BCR: variants seen among roughly 807,000 people sequenced by gnomAD.
BCR encodes BCR activator of RhoGEF and GTPase.
BCR carries 58 observed loss-of-function variants against 138.6 expected under a neutral mutation model. The ratio of observed to expected loss-of-function variants is 0.42; its 90% confidence interval spans 0.34 to 0.52. The LOEUF (loss-of-function observed/expected upper bound fraction) is 0.52. Among genes scored for constraint, BCR ranks in the 20% least tolerant of loss-of-function variants. The pLI is 0.06. For missense variants in BCR, 1,599 were observed against 1,727.2 expected, an observed-to-expected ratio of 0.93 and a Z score of 1.32; for synonymous variants, 786 against 730.1, an observed-to-expected ratio of 1.08 and a Z score of -1.23.
chr22:23,208,320 G>A (rs1334479048), intron 1 of BCR, among the ~76,000 whole-genome samples: 1 of 152,154 alleles, frequency 6.6e-6, no homozygotes, highest in Non-Finnish European at 1.5e-5. Context: ...AGCTCTGTCT[G>A]GTGCGGGTTG....
intron 1 of BCR, among the ~76,000 whole-genome samples, chr22:23,244,414 C>T (rs571667007): frequency 6.6e-6 from 1 of 152,288 alleles, no homozygotes; most frequent in South Asian, 2.1e-4. Flanking sequence ...ACCTTGGTGT[C>T]CTCAGGGGAG....
intron 16 of BCR, among the ~76,000 whole-genome samples, chr22:23,303,258 C>T (rs1221925721): frequency 2.0e-5 from 3 of 152,152 alleles, no homozygotes; most frequent in South Asian, 2.1e-4. Context: ...CTGTCCTCCA[C>T]GTTTACTTTC....
At chr22:23,267,329 A>G (rs2073454048) in intron 4 of BCR, among the ~76,000 whole-genome samples, 1 of 152,106 alleles carries the variant, frequency 6.6e-6, no homozygotes, top group Non-Finnish European at 1.5e-5. Flanking sequence ...TCAGCATGGC[A>G]GGGGCCTGGC....
intron 10 of BCR, among the ~76,000 whole-genome samples, chr22:23,285,465 G>A (rs1490775608): frequency 6.6e-6 from 1 of 152,206 alleles, no homozygotes; most frequent in Non-Finnish European, 1.5e-5. Flanking sequence ...GGAACTGGTC[G>A]TGGTCTCTAC....
chr22:23,300,179 A>G (rs997465829), intron 16 of BCR, among the ~76,000 whole-genome samples: 6 of 152,094 alleles, frequency 3.9e-5, no homozygotes, highest in African/African-American at 1.4e-4. Context: ...AATAACTCCC[A>G]GGGGGGCAGG....
At chr22:23,246,075 A>C (rs2073154410) in intron 1 of BCR, among the ~76,000 whole-genome samples, 1 of 152,122 alleles carries the variant, frequency 6.6e-6, no homozygotes, top group Non-Finnish European at 1.5e-5. Context: ...TATTTCCCGT[A>C]GCATCATGTT....
At chr22:23,290,207 G>A (rs2073769430) in intron 13 of BCR, 132 bp from the exon 14 acceptor site, 1 of 896,968 alleles carries the variant, frequency 1.1e-6, no homozygotes, top group Non-Finnish European at 1.8e-6. Flanking sequence ...CCATGACACT[G>A]GCTTACCTTG....
rs547462250 is a variant in BCR at position 23,269,317 on chromosome 22, G to C, written c.1860+802G>C. Among the ~76,000 whole-genome samples the C allele has an allele frequency of 2.0e-5, 3 of 152,200 alleles. No individual in the cohort carries two copies. In the East Asian group the frequency reaches 5.8e-4, roughly 29 times the overall value. ...TCTTTGGAGGCCCTTGCCTCTTCAT[G>C]AGCCCCCCATCTCGCTGTAGCTTTG... On this transcript the variant is annotated intron_variant, in intron 5 of 22. Coordinates refer to ENST00000305877, the MANE Select transcript of BCR (RefSeq NM_004327.4).
intron 16 of BCR, among the ~76,000 whole-genome samples, chr22:23,308,183 C>T (rs1008515678): frequency 1.8e-4 from 27 of 151,870 alleles, no homozygotes; most frequent in African/African-American, 6.1e-4. Context: ...TGGAGTCAGA[C>T]GGTGGCTCCG....
intron 1 of BCR, among the ~76,000 whole-genome samples, chr22:23,246,982 G>T (rs1053580032): frequency 6.6e-6 from 1 of 152,104 alleles, no homozygotes; most frequent in Non-Finnish European, 1.5e-5. Context: ...TGAGCGTGGG[G>T]TGCAGAGCCA....
chr22:23,314,491 C>A, intron 21 of BCR, 61 bp from the exon 22 acceptor site: 1 of 1,587,646 alleles, frequency 6.3e-7, no homozygotes, highest in Non-Finnish European at 8.6e-7. Context: ...ACAGCCCAGC[C>A]CCTCTGCCTC....
chr22:23,254,058 T>G, intron 2 of BCR, 78 bp downstream of exon 2: 1 of 1,459,006 alleles, frequency 6.9e-7, no homozygotes, highest in Non-Finnish European at 9.1e-7. Context: ...CAGGGGTATG[T>G]AGCAGGTAGG....
intron 1 of BCR, among the ~76,000 whole-genome samples, chr22:23,245,805 T>TAA (rs796163043): frequency 2.9e-5 from 4 of 139,260 alleles, no homozygotes; most frequent in East Asian, 2.1e-4. Context: ...AGGTCAGCCT[T>TAA]AAAAAAAAAA....
chr22:23,292,512 AC>A (rs2073799606), intron 14 of BCR, 28 bp from the exon 15 acceptor site: 2 of 1,531,948 alleles, frequency 1.3e-6, no homozygotes, highest in Non-Finnish European at 9.0e-7. Context: ...AAGACCTGTG[AC>A]CTTCTCCATG....
At chr22:23,263,866 C>T in intron 4 of BCR, 1 of 977,260 alleles carries the variant, frequency 1.0e-6, no homozygotes, top group Non-Finnish European at 1.7e-6. Flanking sequence ...CAAATCTGGT[C>T]TGTTGCTATC....
rs2074035398 is a variant in BCR at position 23,313,886 on chromosome 22, G to T, written c.3458-82G>T. 4 of 1,102,862 alleles carry T rather than the reference G, an allele frequency of 3.6e-6. No individual in the cohort carries two copies. The East Asian group carries it at 9.4e-5, about 26-fold the overall frequency. The allele number at this position is 1,102,862 out of a possible 1,614,324, so 68.3% of individuals were successfully genotyped here. ...GAGCCTGGGCTGTGCAGGGACACAA[G>T]CCCCAGGTGCTCCATGTGAACACCT... On this transcript the variant is annotated intron_variant, in intron 20 of 22. Transcript: ENST00000305877.
At chr22:23,281,756 G>T (rs572108299) in intron 8 of BCR, among the ~76,000 whole-genome samples, 137 of 152,322 alleles carry the variant, frequency 9.0e-4, no homozygotes, top group African/African-American at 3.1e-3. Context: ...AGCCTCCCGG[G>T]CCTGCAGCCC....
intron 8 of BCR, among the ~76,000 whole-genome samples, chr22:23,278,691 C>A (rs2073607529): frequency 6.6e-6 from 1 of 152,128 alleles, no homozygotes; most frequent in Non-Finnish European, 1.5e-5. Flanking sequence ...CACGCCATTG[C>A]ACTCTGCACT....
chr22:23,293,979 C>T (rs2146310988), intron 15 of BCR, among the ~76,000 whole-genome samples: 1 of 152,360 alleles, frequency 6.6e-6, no homozygotes, highest in South Asian at 2.1e-4. Flanking sequence ...GCACCCACGG[C>T]AGACAACTGG....
Sources: gnomAD v4.1 joint callset for allele counts (sites outside exome capture counted in the v4.1 genomes callset) on GRCh38, gnomAD v4.1.1 for gene constraint, MANE v1.5 for transcripts, NCBI Gene and HGNC (gene_info 2026-07-23, HGNC 2026-07-21) for gene names.